Variants in PPP4R3B observed in about 807,000 individuals in gnomAD.
PPP4R3B encodes the protein serine/threonine-protein phosphatase 4 regulatory subunit 3B.
A neutral mutation model predicts 95.4 loss-of-function variants in PPP4R3B; 52 were observed. That is an observed-to-expected ratio of 0.54 (90% CI 0.44 to 0.69). The LOEUF (loss-of-function observed/expected upper bound fraction) is 0.69. Among genes scored for constraint, PPP4R3B ranks in the 30% least tolerant of loss-of-function variants. The pLI is 0.00. For synonymous variants in PPP4R3B, 407 were observed against 343.9 expected (o/e 1.18, Z -2.03); for missense variants, 1,003 against 1,005.9 (o/e 1.00, Z 0.04).
rs575168340 is a variant in PPP4R3B, at chr2:55,593,825, G to A, written c.921+4591C>T. Among the ~76,000 whole-genome samples the A allele has an allele frequency of 2.6e-5, 4 of 151,326 alleles. No individual in the cohort carries two copies. In the East Asian group the frequency reaches 7.8e-4, roughly 29 times the overall value. On this transcript the variant is annotated intron_variant, in intron 4 of 16. Transcript: ENST00000616407. ...TTGAAAACACAATTCATACCCAAAGGAAAAAAAAGCATTATATTAAAAAGA... is the reference window on the plus strand; with the variant it reads ...TTGAAAACACAATTCATACCCAAAGAAAAAAAAAGCATTATATTAAAAAGA...
intron 2 of PPP4R3B, 193 bp downstream of exon 2, chr2:55,615,258 C>A: frequency 1.9e-6 from 1 of 537,570 alleles, no homozygotes; most frequent in Non-Finnish European, 3.3e-6. Flanking sequence ...TGGCTCAATC[C>A]AAAAATGATA....
chr2:55,590,052 G>T (rs1034825774), intron 4 of PPP4R3B, among the ~76,000 whole-genome samples: 3 of 148,696 alleles, frequency 2.0e-5, no homozygotes, highest in Non-Finnish European at 3.0e-5. Context: ...TGTGGGCCAG[G>T]TGTGGTGGCT....
intron 16 of PPP4R3B, among the ~76,000 whole-genome samples, chr2:55,554,913 T>A (rs1175329899): frequency 6.6e-6 from 1 of 151,812 alleles, no homozygotes; most frequent in African/African-American, 2.4e-5. Flanking sequence ...TTGAGAGGAG[T>A]TTTGGATATG....
At chr2:55,616,270 T>C (rs1694912263) in intron 1 of PPP4R3B, among the ~76,000 whole-genome samples, 1 of 152,188 alleles carries the variant, frequency 6.6e-6, no homozygotes, top group African/African-American at 2.4e-5. Flanking sequence ...GCTGCATTTA[T>C]CCTTTCCTCA....
chr2:55,587,464 A>C (rs1690301023), intron 5 of PPP4R3B, among the ~76,000 whole-genome samples: 1 of 152,322 alleles, frequency 6.6e-6, no homozygotes, highest in East Asian at 1.9e-4. Context: ...CACGCCTGTA[A>C]TCACAGCTAC....
chr2:55,579,816 T>C, intron 8 of PPP4R3B, 35 bp from the exon 9 acceptor site: 1 of 1,360,056 alleles, frequency 7.4e-7, no homozygotes, highest in Non-Finnish European at 1.0e-6. Context: ...ATACTGTTAC[T>C]TATGTAAATA....
intron 16 of PPP4R3B, among the ~76,000 whole-genome samples, chr2:55,554,103 T>TA (rs923511029): frequency 5.3e-5 from 8 of 152,204 alleles, no homozygotes; most frequent in Non-Finnish European, 2.9e-5. Context: ...GACATTGTCT[T>TA]AGAGACTCGA....
chr2:55,603,329 A>C (rs1692914206), intron 3 of PPP4R3B, among the ~76,000 whole-genome samples: 1 of 152,334 alleles, frequency 6.6e-6, no homozygotes. Context: ...GTAGGATGGG[A>C]CAAGGTATAA....
intron 6 of PPP4R3B, 93 bp from the exon 7 acceptor site, chr2:55,585,260 A>T: frequency 1.2e-6 from 1 of 811,438 alleles, no homozygotes; most frequent in Non-Finnish European, 1.9e-6. Context: ...ACTAGCTCTC[A>T]ACTTTTTGGA....
At chr2:55,563,121 T>A (rs1224235633) in intron 15 of PPP4R3B, among the ~76,000 whole-genome samples, 1 of 152,204 alleles carries the variant, frequency 6.6e-6, no homozygotes, top group Admixed American at 6.5e-5. Flanking sequence ...GTACCTGTAA[T>A]GAGTAAAGGC....
intron 4 of PPP4R3B, among the ~76,000 whole-genome samples, chr2:55,594,941 T>G (rs13395046): frequency 6.6e-6 from 1 of 151,684 alleles, no homozygotes; most frequent in African/African-American, 2.4e-5. Flanking sequence ...TGACTACTGG[T>G]GGGAAACGTC....
chr2:55,599,040 C>A lies in PPP4R3B; in HGVS notation c.298-1G>T. ...CCACTGATGGGTCTTTACCTTGAAC[C>A]TAAAAATATCCAAGTATACAGCTAA... On this transcript the variant is annotated splice_acceptor_variant, in intron 3 of 16. Transcript: ENST00000616407. LOFTEE classifies it high-confidence loss of function. 6.3e-7 allele frequency: 1 copy of A among 1,591,774 alleles called. No homozygotes were observed. The highest frequency in any genetic ancestry group is 8.5e-7 in the Non-Finnish European group (1 of 1,172,498).
chr2:55,551,826 T>C (rs1264573752), intron 16 of PPP4R3B, among the ~76,000 whole-genome samples: 2 of 143,186 alleles, frequency 1.4e-5, no homozygotes, highest in East Asian at 1.9e-4. Flanking sequence ...CGTATGTAGT[T>C]AGTGTTCAAT....
At chr2:55,559,643 T>TAAC (rs1686339735) in intron 15 of PPP4R3B, among the ~76,000 whole-genome samples, 1 of 152,304 alleles carries the variant, frequency 6.6e-6, no homozygotes, top group South Asian at 2.1e-4. Context: ...TGCTGCCATG[T>TAAC]AACACATGCC....
At chr2:55,586,278 C>A (rs1690131655) in intron 6 of PPP4R3B, among the ~76,000 whole-genome samples, 1 of 152,064 alleles carries the variant, frequency 6.6e-6, no homozygotes, top group Admixed American at 6.6e-5. Flanking sequence ...ATGCCCTAAC[C>A]CTGTGTTGCA....
chr2:55,553,778 G>T lies in PPP4R3B; in HGVS notation c.2455-3772C>A, dbSNP rs1366232897. Among the ~76,000 whole-genome samples the T allele has an allele frequency of 3.3e-5, 5 of 152,138 alleles. No homozygotes were observed. In the South Asian group the frequency reaches 1.0e-3, roughly 32 times the overall value. The stretch of plus-strand genomic sequence containing the variant: ...AAGTTAATCTATGCTTAGCATATCA[G>T]GACTTCATTCTTTTTTATGGCCAAA... On this transcript the variant is annotated intron_variant, in intron 16 of 16. Coordinates refer to ENST00000616407, the MANE Select transcript of PPP4R3B (RefSeq NM_001122964.3).
In PPP4R3B at chr2:55,568,270, T is replaced by C. The variant is rs1687555315; in HGVS notation, c.1859A>G (p.Asn620Ser). ...CCGAGTTCCATTATCCAGAAGTGCA[T>C]TTATAACTGGCTCAAAAAGATTTCC... is the stretch of plus-strand genomic sequence containing the variant. Reference protein sequence around the residue: ...TKGNLFEPVINALLDNGTRYN... With the variant: ...TKGNLFEPVISALLDNGTRYN... The change falls in exon 13 of 17, where the codon AAT becomes AGT. Residue 620 changes from asparagine to serine, a missense_variant. Asn to Ser is a conservative substitution (Grantham distance 46). This residue lies in a region of PPP4R3B where 79 missense variants were observed against 124.9 expected (regional missense o/e 0.63). Transcript: ENST00000616407. 2 of 1,610,902 alleles carry C rather than the reference T, an allele frequency of 1.2e-6. No individual in the cohort carries two copies. Among genetic ancestry groups the C allele is most frequent in the East Asian group, 2.2e-5 (1 of 44,678 alleles).
Position 55,617,234 on chromosome 2 carries a change from G to C in PPP4R3B, c.52C>G (p.Gln18Glu), listed in dbSNP as rs1261244357. Reference sequence around the variant, plus strand: ...TGCCCGGTGCCTCGGTCGTCCCATTGCCGGTCTTCGTTCAGGGTATAGACC... The same window carrying C: ...TGCCCGGTGCCTCGGTCGTCCCATTCCCGGTCTTCGTTCAGGGTATAGACC... ...VKVYTLNEDR[Q>E]WDDRGTGHVS... The change falls in exon 1 of 17, where the codon CAA (glutamine) becomes GAA (glutamate). Residue 18 changes from glutamine to glutamate, a missense_variant. Coordinates refer to ENST00000616407, the MANE Select transcript of PPP4R3B (RefSeq NM_001122964.3). The C allele has an allele frequency of 6.2e-7, 1 of 1,614,010 alleles. No individual in the cohort carries two copies. Among genetic ancestry groups the C allele is most frequent in the East Asian group, 2.2e-5 (1 of 44,846 alleles).
intron 6 of PPP4R3B, among the ~76,000 whole-genome samples, chr2:55,586,061 T>C (rs1690096724): frequency 6.6e-6 from 1 of 152,198 alleles, no homozygotes; most frequent in East Asian, 1.9e-4. Flanking sequence ...GGTACTCTTT[T>C]CACTAAATTT....
Sources: allele counts gnomAD v4.1 joint callset (sites outside exome capture counted in the v4.1 genomes callset), GRCh38; gene constraint gnomAD v4.1.1; regional missense constraint gnomAD v4.1.1; transcripts MANE v1.5; gene names NCBI Gene and HGNC (gene_info 2026-07-23, HGNC 2026-07-21).